Variants in SPAG16 observed in about 807,000 individuals in gnomAD.
SPAG16 encodes sperm-associated antigen 16 protein.
In SPAG16, 86 loss-of-function variants were observed where a neutral mutation model predicts 80.4. The observed-to-expected ratio is 1.07, with a 90% CI of 0.90 to 1.28. The LOEUF is 1.28. Among genes scored for constraint, SPAG16 ranks in the 50% most tolerant of loss-of-function variants. SPAG16 has a pLI of 0.00. For missense variants in SPAG16, 870 were observed against 765.3 expected, an observed-to-expected ratio of 1.14 and a Z score of -1.61; for synonymous variants, 294 against 265.9, an observed-to-expected ratio of 1.11 and a Z score of -1.03.
chr2:213,729,043 A>G (rs1216207681), intron 10 of SPAG16, among the ~76,000 whole-genome samples: 3 of 152,132 alleles, frequency 2.0e-5, no homozygotes, highest in Non-Finnish European at 4.4e-5. Context: ...TAGGTGATCA[A>G]TGAAAAATTG....
At chr2:213,553,783 G>A (rs1315487305) in intron 10 of SPAG16, among the ~76,000 whole-genome samples, 3 of 152,140 alleles carry the variant, frequency 2.0e-5, no homozygotes, top group Non-Finnish European at 4.4e-5. Flanking sequence ...CTCTGTGGAT[G>A]CCCATCCTCT....
chr2:213,659,006 A>C (rs1198129279), intron 10 of SPAG16, among the ~76,000 whole-genome samples: 1 of 152,208 alleles, frequency 6.6e-6, no homozygotes, highest in East Asian at 1.9e-4. Context: ...ACAGCACTCA[A>C]GCCTGGCAAC....
chr2:213,822,997 C>G (rs986638902), intron 10 of SPAG16, among the ~76,000 whole-genome samples: 7 of 152,074 alleles, frequency 4.6e-5, no homozygotes, highest in Non-Finnish European at 8.8e-5. Context: ...TGGGTTGATT[C>G]CATGTCTTTG....
At chr2:213,654,432 C>T (rs1443143558) in intron 10 of SPAG16, among the ~76,000 whole-genome samples, 1 of 150,654 alleles carries the variant, frequency 6.6e-6, no homozygotes, top group Non-Finnish European at 1.5e-5. Flanking sequence ...GCAAGTGGCT[C>T]ATGCCTGCAA....
At chr2:213,976,812 G>T (rs1247635051) in intron 12 of SPAG16, among the ~76,000 whole-genome samples, 1 of 151,596 alleles carries the variant, frequency 6.6e-6, no homozygotes, top group Non-Finnish European at 1.5e-5. Flanking sequence ...AATGAGTTTG[G>T]AAGTGGTTTT....
intron 10 of SPAG16, among the ~76,000 whole-genome samples, chr2:213,542,650 G>A (rs143184727): frequency 2.6e-5 from 4 of 152,090 alleles, no homozygotes; most frequent in Admixed American, 6.5e-5. Context: ...AGAATATTGC[G>A]AATTAAAAGA....
At chr2:214,042,419 T>C (rs999130891) in intron 13 of SPAG16, among the ~76,000 whole-genome samples, 14 of 124,524 alleles carry the variant, frequency 1.1e-4, no homozygotes, top group Non-Finnish European at 3.4e-5. Context: ...CATGAAGAAG[T>C]AAAAACAAAA....
At chr2:213,939,625 T>C (rs975605637) in intron 12 of SPAG16, among the ~76,000 whole-genome samples, 21 of 152,186 alleles carry the variant, frequency 1.4e-4, no homozygotes, top group Non-Finnish European at 1.5e-5. Flanking sequence ...CTGTCACACA[T>C]AAACCACCCA....
chr2:213,516,075 G>A (rs768620128), intron 10 of SPAG16, among the ~76,000 whole-genome samples: 6 of 152,232 alleles, frequency 3.9e-5, no homozygotes, highest in East Asian at 1.9e-4. Flanking sequence ...CTATAAAGCC[G>A]GATGATATTT....
At chr2:213,813,410 C>T (rs2072302152) in intron 10 of SPAG16, among the ~76,000 whole-genome samples, 1 of 152,118 alleles carries the variant, frequency 6.6e-6, no homozygotes, top group Admixed American at 6.5e-5. Context: ...AGATAATTTC[C>T]ACAGATTTCC....
At chr2:213,676,892 C>CAA (rs2064109698) in intron 10 of SPAG16, among the ~76,000 whole-genome samples, 1 of 150,798 alleles carries the variant, frequency 6.6e-6, no homozygotes, top group Admixed American at 6.6e-5. Context: ...ATGATGCTGG[C>CAA]CTCATAAAAT....
At chr2:213,782,121 G>T (rs1295108311) in intron 10 of SPAG16, among the ~76,000 whole-genome samples, 2 of 150,788 alleles carry the variant, frequency 1.3e-5, no homozygotes, top group African/African-American at 4.9e-5. Context: ...CAAAGTCTGT[G>T]GGTTTATTTT....
chr2:213,540,499 C>A (rs1370627071), intron 10 of SPAG16, among the ~76,000 whole-genome samples: 1 of 152,054 alleles, frequency 6.6e-6, no homozygotes, highest in Non-Finnish European at 1.5e-5. Context: ...TTATATAAAT[C>A]AATGAAAATT....
chr2:214,208,615 C>T (rs555080484), intron 15 of SPAG16, among the ~76,000 whole-genome samples: 3 of 152,280 alleles, frequency 2.0e-5, no homozygotes, highest in African/African-American at 7.2e-5. Context: ...CAAATTTCAA[C>T]TCTCCCACTG....
At chr2:213,638,220 A>G (rs1040060081) in intron 10 of SPAG16, among the ~76,000 whole-genome samples, 4 of 151,118 alleles carry the variant, frequency 2.6e-5, no homozygotes, top group African/African-American at 9.7e-5. Context: ...TATCTTTTGC[A>G]TTTTGTTTGT....
intron 10 of SPAG16, among the ~76,000 whole-genome samples, chr2:213,807,688 T>C (rs896264203): frequency 1.3e-5 from 2 of 152,186 alleles, no homozygotes; most frequent in African/African-American, 4.8e-5. Context: ...AGAAGCAAGA[T>C]ATTTATAAAG....
At chr2:214,109,007 G>A (rs532433424) in intron 14 of SPAG16, among the ~76,000 whole-genome samples, 7 of 152,120 alleles carry the variant, frequency 4.6e-5, no homozygotes, top group African/African-American at 9.6e-5. Flanking sequence ...TGACACTGGC[G>A]CCCTCCCTCC....
At chr2:213,976,319 T>C (rs1328080678) in intron 12 of SPAG16, among the ~76,000 whole-genome samples, 2 of 149,318 alleles carry the variant, frequency 1.3e-5, no homozygotes, top group African/African-American at 5.1e-5. Context: ...TGCGCATATG[T>C]GTACGCATGT....
intron 1 of SPAG16, among the ~76,000 whole-genome samples, chr2:213,292,596 G>A (rs1419624423): frequency 4.8e-5 from 7 of 146,944 alleles, no homozygotes; most frequent in African/African-American, 1.3e-4. Flanking sequence ...CCCGGGAGGC[G>A]GAGCTTGCAG....
Sources: allele counts gnomAD v4.1 joint callset (sites outside exome capture counted in the v4.1 genomes callset), GRCh38; gene constraint gnomAD v4.1.1; transcripts MANE v1.5; gene names NCBI Gene and HGNC (gene_info 2026-07-23, HGNC 2026-07-21).